FAM24A: variants seen among roughly 807,000 people sequenced by gnomAD.
The protein encoded by FAM24A is family with sequence similarity 24 member A, also known as protein FAM24A.
A neutral mutation model predicts 2.8 loss-of-function variants in FAM24A; 2 were observed. The observed-to-expected ratio is 0.73, with a 90% CI of 0.30 to 2.28. The LOEUF (loss-of-function observed/expected upper bound fraction) is 2.28. Ranked by LOEUF, FAM24A falls within the 30% of genes most tolerant of loss-of-function variation. FAM24A has a pLI of 0.12. For missense variants in FAM24A, 109 were observed against 132.0 expected (o/e 0.83, Z 0.85); for synonymous variants, 46 against 47.5 (o/e 0.97, Z 0.13).
chr10:122,911,271 G>A (rs538388717), intron 1 of FAM24A, among the ~76,000 whole-genome samples: 1 of 152,262 alleles, frequency 6.6e-6, no homozygotes, highest in Non-Finnish European at 1.5e-5. Context: ...AGTGAGGGGT[G>A]ACTTCTGACC....
At position 122,912,886 on chromosome 10, in the gene FAM24A, G is replaced by A; in HGVS notation, c.250G>A (p.Gly84Ser). The change falls in exon 3 of 3, where the codon GGT (glycine) becomes AGT (serine). Residue 84 changes from glycine (G) to serine (S), a missense_variant. By Grantham distance (56) the Gly-to-Ser change is moderately conservative (BLOSUM62 0). Coordinates refer to ENST00000368894, the MANE Select transcript of FAM24A (RefSeq NM_001029888.3). ...TTGTCCATCTCTCCAGTGCTGTGAA[G>A]GTTGTAGAATGCATGCCAGTTCTGA... The part of the protein sequence containing the change: ...ESCPSLQCCE[G>S]CRMHASSDSL... The A allele has an allele frequency of 6.2e-7, 1 of 1,614,128 alleles. No homozygotes were observed. Among genetic ancestry groups the A allele is most frequent in the Non-Finnish European group, 8.5e-7 (1 of 1,180,002 alleles).
In FAM24A at chr10:122,912,279, C is replaced by A. The variant is rs143541233; in HGVS notation, c.126-483C>A. On this transcript the variant is annotated intron_variant, in intron 2 of 2. Transcript: ENST00000368894. ...TGGCCTTGAGAACAAAGAGGTGGAT[C>A]TTTAGGACTCTGGGACAGCTGACAT... Among the ~76,000 whole-genome samples the A allele has an allele frequency of 4.0e-3, 616 of 152,232 alleles. 8 individuals are homozygous for A. Among genetic ancestry groups the A allele is most frequent in the African/African-American group, 0.014 (584 of 41,518 alleles).
At chr10:122,911,856 C>A in intron 2 of FAM24A, 97 bp downstream of exon 2, 1 of 1,469,914 alleles carries the variant, frequency 6.8e-7, no homozygotes, top group Non-Finnish European at 9.3e-7. Context: ...TGGCCATACC[C>A]CTGAGTGAGT....
Position 122,912,869 on chromosome 10 carries a change from C to T in FAM24A, c.233C>T (p.Ser78Phe). The change falls in exon 3 of 3, where the codon TCT (serine) becomes TTT (phenylalanine). Residue 78 changes from serine (S) to phenylalanine (F), a missense_variant. Coordinates refer to ENST00000368894, the MANE Select transcript of FAM24A (RefSeq NM_001029888.3). ...AKATTMESCP[S>F]LQCCEGCRMH... ...GCCACCACCATGGAGTCTTGTCCAT[C>T]TCTCCAGTGCTGTGAAGGTTGTAGA... is the stretch of plus-strand genomic sequence containing the variant. 1 of 1,614,156 alleles carries T rather than the reference C, an allele frequency of 6.2e-7. No individual in the cohort carries two copies. The highest frequency in any genetic ancestry group is 8.5e-7 in the Non-Finnish European group (1 of 1,180,032).
At chr10:122,911,567 G>T in intron 1 of FAM24A, 66 bp from the exon 2 acceptor site, 1 of 1,592,912 alleles carries the variant, frequency 6.3e-7, no homozygotes, top group East Asian at 2.2e-5. Flanking sequence ...CTCTACTAAC[G>T]GAAGGTTGTT....
At chr10:122,912,687 G>A (rs1316882523) in intron 2 of FAM24A, 75 bp from the exon 3 acceptor site, 4 of 1,448,310 alleles carry the variant, frequency 2.8e-6, no homozygotes, top group Non-Finnish European at 3.8e-6. Context: ...AAACTTCCCA[G>A]ATACCCCCAA....
Position 122,913,050 on chromosome 10 carries a change from T to A in FAM24A, c.*96T>A. The A allele has an allele frequency of 9.2e-7, 1 of 1,084,832 alleles. No individual in the cohort carries two copies. The allele number at this position is 1,084,832 out of a possible 1,614,324, so 67.2% of individuals were successfully genotyped here. ...GTCAAGTTCTAGAGTGTTTACATAC[T>A]ATTATATAATGTACAGTGTTATTTT... On this transcript the variant is annotated 3_prime_UTR_variant, in exon 3 of 3. Transcript: ENST00000368894.
chr10:122,912,463 C>A (rs938128104), intron 2 of FAM24A, among the ~76,000 whole-genome samples: 1 of 151,818 alleles, frequency 6.6e-6, no homozygotes, highest in Admixed American at 6.6e-5. Context: ...GAGCCTGGGG[C>A]ACAGCTGAAT....
Position 122,911,673 on chromosome 10 carries a change from C to T in FAM24A, c.39C>T (p.Ile13=), listed in dbSNP as rs759893178. ...TTGATCTCAGGACGAAGATCATGATCGGCATCGGAAGCAGCTTACTGGTTG... is the reference window on the plus strand; with the variant it reads ...TTGATCTCAGGACGAAGATCATGATTGGCATCGGAAGCAGCTTACTGGTTG... ...KMFDLRTKIM[I]GIGSSLLVAA... is the part of the protein sequence containing the mutation. Residue 13 remains isoleucine, a synonymous_variant, in exon 2 of 3, where the codon ATC becomes ATT. Coordinates refer to ENST00000368894, the MANE Select transcript of FAM24A (RefSeq NM_001029888.3). 2.6e-5 allele frequency: 42 copies of T among 1,614,008 alleles called. No individual in the cohort carries two copies. The highest frequency in any genetic ancestry group is 1.8e-4 in the Admixed American group (11 of 60,000).
intron 2 of FAM24A, among the ~76,000 whole-genome samples, chr10:122,912,208 T>C (rs148886855): frequency 6.9e-4 from 105 of 152,326 alleles, no homozygotes; most frequent in African/African-American, 2.3e-3. Flanking sequence ...TGATCTCCTC[T>C]TGCCTGAGTT....
Position 122,912,832 on chromosome 10 carries a change from A to G in FAM24A, c.196A>G (p.Ser66Gly), listed in dbSNP as rs752503811. Residue 66 changes from serine (S) to glycine (G), a missense_variant, in exon 3 of 3, where the codon AGC becomes GGC. Ser to Gly is a moderately conservative substitution (Grantham distance 56). Transcript: ENST00000368894. ...AGACAAGGTGTGTTGGGCCACGAAC[A>G]GCCAGGCCAAAGCCACCACCATGGA... is the stretch of plus-strand genomic sequence containing the variant. ...NPDKVCWATN[S>G]QAKATTMESC... 1.9e-6 allele frequency: 3 copies of G among 1,614,192 alleles called. No individual in the cohort carries two copies. The highest frequency in any genetic ancestry group is 1.7e-6 in the Non-Finnish European group (2 of 1,180,034).
At chr10:122,912,147 G>C (rs1261423757) in intron 2 of FAM24A, among the ~76,000 whole-genome samples, 1 of 152,216 alleles carries the variant, frequency 6.6e-6, no homozygotes, top group East Asian at 1.9e-4. Flanking sequence ...TCCGTAGGGA[G>C]ACTGCATTAA....
In FAM24A at chr10:122,912,680, C is replaced by A. The variant is rs911695125; in HGVS notation, c.126-82C>A. ...ATGTTTGATTGGCTTCAGCACTAAA[C>A]TTCCCAGATACCCCCAACAATTCTA... On this transcript the variant is annotated intron_variant, in intron 2 of 2. Coordinates refer to ENST00000368894, the MANE Select transcript of FAM24A (RefSeq NM_001029888.3). 2.5e-5 allele frequency: 35 copies of A among 1,403,098 alleles called. No homozygotes were observed. The African/African-American group carries it at 2.6e-4, about 10-fold the overall frequency. The allele number at this position is 1,403,098 out of a possible 1,614,324, so 86.9% of individuals were successfully genotyped here.
intron 2 of FAM24A, among the ~76,000 whole-genome samples, chr10:122,912,502 C>T (rs1334629749): frequency 6.6e-6 from 1 of 151,976 alleles, no homozygotes; most frequent in African/African-American, 2.4e-5. Context: ...TCCTGCATCT[C>T]GGGGGCCTGC....
intron 1 of FAM24A, among the ~76,000 whole-genome samples, chr10:122,911,407 T>C (rs139763335): frequency 1.6e-4 from 24 of 152,220 alleles, no homozygotes; most frequent in African/African-American, 5.8e-4. Context: ...CCACTGTCTG[T>C]CATTATGATT....
Position 122,912,917 on chromosome 10 carries a change from T to TGCCAC in FAM24A, c.282_286dup (p.Pro96ArgfsTer8), listed in dbSNP as rs1184628957. 6.2e-7 allele frequency: 1 copy of TGCCAC among 1,612,684 alleles called. No homozygotes were observed. Among genetic ancestry groups the TGCCAC allele is most frequent in the Admixed American group, 1.7e-5 (1 of 59,730 alleles). The stretch of plus-strand genomic sequence containing the variant: ...AGAATGCATGCCAGTTCTGATTCCC[T>TGCCAC]GCCACCTTGCTGTTGTGACATAAAT... On this transcript the variant is annotated frameshift_variant, in exon 3 of 3. Transcript: ENST00000368894. LOFTEE classifies it high-confidence loss of function.
chr10:122,911,804 T>C lies in FAM24A; in HGVS notation c.125+45T>C, dbSNP rs954336669. On this transcript the variant is annotated intron_variant, in intron 2 of 2. Transcript: ENST00000368894. ...ATGAATTACACCTCCTCAAATGGGA[T>C]ACCTGGACTCCCTATTTGAGCAAGG... The C allele has an allele frequency of 2.5e-6, 4 of 1,610,366 alleles. No homozygotes were observed. In the East Asian group the frequency reaches 8.9e-5, roughly 36 times the overall value.
chr10:122,911,851 A>G (rs1162934019), intron 2 of FAM24A, 92 bp downstream of exon 2: 10 of 1,522,356 alleles, frequency 6.6e-6, no homozygotes, highest in Non-Finnish European at 9.0e-6. Context: ...TGCTGTGGCC[A>G]TACCCCTGAG....
At chr10:122,912,159 G>A (rs565443284) in intron 2 of FAM24A, among the ~76,000 whole-genome samples, 37 of 152,330 alleles carry the variant, frequency 2.4e-4, no homozygotes, top group Non-Finnish European at 4.6e-4. Context: ...CTGCATTAAT[G>A]AGCCTCTGCC....
Sources: allele counts gnomAD v4.1 joint callset (sites outside exome capture counted in the v4.1 genomes callset), GRCh38; gene constraint gnomAD v4.1.1; transcripts MANE v1.5; gene names NCBI Gene and HGNC (gene_info 2026-07-23, HGNC 2026-07-21).